The following CCDC73 variants were observed in gnomAD, a reference collection of about 807,000 sequenced individuals.
The protein encoded by CCDC73 is coiled-coil domain-containing protein 73.
In CCDC73, 95 loss-of-function variants were observed where a neutral mutation model predicts 116.5. The ratio of observed to expected loss-of-function variants is 0.82; its 90% CI spans 0.69 to 0.97. The LOEUF is 0.97. CCDC73 is among the 50% of genes least tolerant of loss of function. The pLI is 0.00. For missense variants in CCDC73, 1,066 were observed against 1,206.8 expected, an observed-to-expected ratio of 0.88 and a Z score of 1.73; for synonymous variants, 398 against 401.3, an observed-to-expected ratio of 0.99 and a Z score of 0.10.
chr11:32,776,984 CACATGTAT>C (rs1336759518), intron 1 of CCDC73, among the ~76,000 whole-genome samples: 41 of 72,838 alleles, frequency 5.6e-4, no homozygotes, highest in Non-Finnish European at 9.8e-4. Context: ...TATATATATA[CACATGTAT>C]ATATATATAT....
At chr11:32,742,276 C>T (rs539992228) in intron 2 of CCDC73, among the ~76,000 whole-genome samples, 2 of 151,312 alleles carry the variant, frequency 1.3e-5, no homozygotes, top group Admixed American at 1.3e-4. Context: ...CTCCCACCAA[C>T]GTGAAAGCAT....
chr11:32,679,386 T>C (rs1173650472), intron 7 of CCDC73, among the ~76,000 whole-genome samples: 1 of 152,012 alleles, frequency 6.6e-6, no homozygotes, highest in South Asian at 2.1e-4. Context: ...TTTTTGGAGA[T>C]GGAGTCTCTC....
intron 2 of CCDC73, among the ~76,000 whole-genome samples, chr11:32,745,658 C>T (rs148889105): frequency 0.012 from 1,814 of 151,806 alleles, 36 homozygotes; most frequent in African/African-American, 0.042. Context: ...TATGTAATGG[C>T]CTTCTTTGTC....
chr11:32,750,779 C>G (rs1850281431), intron 2 of CCDC73, among the ~76,000 whole-genome samples: 1 of 152,144 alleles, frequency 6.6e-6, no homozygotes, highest in African/African-American at 2.4e-5. Flanking sequence ...TTGGGAACCC[C>G]TAGAGCCCAC....
intron 12 of CCDC73, among the ~76,000 whole-genome samples, chr11:32,649,010 CTT>C (rs1221900442): frequency 6.6e-6 from 1 of 152,214 alleles, no homozygotes; most frequent in Non-Finnish European, 1.5e-5. Flanking sequence ...GACCACAACT[CTT>C]AACTTGCCCC....
chr11:32,750,178 C>T (rs1280965127), intron 2 of CCDC73, among the ~76,000 whole-genome samples: 1 of 152,176 alleles, frequency 6.6e-6, no homozygotes, highest in Non-Finnish European at 1.5e-5. Flanking sequence ...CCTCTACTCT[C>T]ACTTTCTACC....
At chr11:32,651,463 G>A (rs549864667) in intron 12 of CCDC73, among the ~76,000 whole-genome samples, 2 of 152,274 alleles carry the variant, frequency 1.3e-5, no homozygotes, top group South Asian at 4.1e-4. Flanking sequence ...TCCCCCAAAT[G>A]TGACCCAGTC....
chr11:32,830,073 G>A, the CCDC73 span: 14 of 989,110 alleles, frequency 1.4e-5, no homozygotes, highest in Admixed American at 3.0e-4. Flanking sequence ...GCGTCGCCGA[G>A]GTTTGAGGGC....
chr11:32,751,099 A>C (rs1850284069), intron 2 of CCDC73, among the ~76,000 whole-genome samples: 1 of 152,126 alleles, frequency 6.6e-6, no homozygotes, highest in African/African-American at 2.4e-5. Flanking sequence ...ATGTGTCTAG[A>C]AATGTTGTCT....
chr11:32,774,949 C>A lies in CCDC73; in HGVS notation c.-15-14691G>T, dbSNP rs1325963698. Among the ~76,000 whole-genome samples, 4 of 152,096 alleles carry A rather than the reference C, an allele frequency of 2.6e-5. No homozygotes were observed. In the East Asian group the frequency reaches 7.7e-4, roughly 29 times the overall value. On this transcript the variant is annotated intron_variant, in intron 1 of 17. Coordinates refer to ENST00000335185, the MANE Select transcript of CCDC73 (RefSeq NM_001008391.4). Reference sequence around the variant, plus strand: ...ATGACAAAGCAATTAATTCTGTCCACAGGAAGGTTTTAAGGTGAGTGTTTT... The same window carrying A: ...ATGACAAAGCAATTAATTCTGTCCAAAGGAAGGTTTTAAGGTGAGTGTTTT...
chr11:32,637,649 T>TA (rs138874335), intron 13 of CCDC73, among the ~76,000 whole-genome samples: 7,244 of 150,128 alleles, frequency 0.048, 195 homozygotes, highest in African/African-American at 0.064. Context: ...CTCTCTCTCT[T>TA]ACACACACAC....
Position 32,705,894 on chromosome 11 carries a change from T to C in CCDC73, c.208-2950A>G, listed in dbSNP as rs780657256. On this transcript the variant is annotated intron_variant, in intron 3 of 17. Transcript: ENST00000335185. ...CAATATTGAGCCACATGGTATGCCA[T>C]GATTACATTTTTATTCTCATACAAC... is the stretch of plus-strand genomic sequence containing the variant. Among the ~76,000 whole-genome samples, 36 of 152,258 alleles carry C rather than the reference T, an allele frequency of 2.4e-4. No individual in the cohort carries two copies. The Middle Eastern group carries it at 0.01, about 43-fold the overall frequency.
At chr11:32,619,725 G>C (rs1189347343) in intron 14 of CCDC73, among the ~76,000 whole-genome samples, 1 of 151,534 alleles carries the variant, frequency 6.6e-6, no homozygotes, top group Non-Finnish European at 1.5e-5. Context: ...AGGAGGAGAA[G>C]GAGGAGATGA....
At chr11:32,776,995 A>ATATATATATATATATACACATG (rs1850541706) in intron 1 of CCDC73, among the ~76,000 whole-genome samples, 1 of 45,358 alleles carries the variant, frequency 2.2e-5, no homozygotes, top group African/African-American at 8.3e-5. Flanking sequence ...ACATGTATAT[A>ATATATATATATATATACACATG]TATATATATA....
rs374750916 is a variant in CCDC73 at position 32,635,696 on chromosome 11, C to T, written c.1185G>A (p.Gln395=). The part of the protein sequence containing the change: ...QKTFEEDKKF[Q]NVPEVNNENS... ...ACCCCACAACATACTTAAATTTTACCTGAAACTTTTTGTCTTCCTCAAATG... is the reference window on the plus strand; with the variant it reads ...ACCCCACAACATACTTAAATTTTACTTGAAACTTTTTGTCTTCCTCAAATG... The change falls in exon 14 of 18, where the codon CAG becomes CAA. Residue 395 remains glutamine, a splice_region_variant and synonymous_variant. Transcript: ENST00000335185. 1.5e-6 allele frequency: 2 copies of T among 1,298,156 alleles called. No homozygotes were observed. Among genetic ancestry groups the T allele is most frequent in the African/African-American group, 1.5e-5 (1 of 65,544 alleles). 80.4% of individuals were successfully genotyped at this position (1,298,156 alleles called of 1,614,324 possible).
intron 12 of CCDC73, among the ~76,000 whole-genome samples, chr11:32,644,990 C>A (rs1855764576): frequency 1.3e-5 from 2 of 152,162 alleles, no homozygotes; most frequent in South Asian, 4.1e-4. Context: ...TTTGTTTACA[C>A]ATTGACCTCT....
intron 7 of CCDC73, chr11:32,681,954 A>G (rs1856149512): frequency 6.6e-6 from 1 of 151,908 alleles, no homozygotes; most frequent in South Asian, 2.1e-4. Context: ...CCAACATATA[A>G]AACTTTTTAA....
intron 14 of CCDC73, 22 bp downstream of exon 14, chr11:32,635,674 C>T: frequency 1.6e-6 from 2 of 1,278,816 alleles, no homozygotes; most frequent in South Asian, 2.4e-5. Context: ...AGTTTGTACC[C>T]CACAACATAC....
intron 2 of CCDC73, among the ~76,000 whole-genome samples, chr11:32,751,461 C>A (rs929607759): frequency 1.3e-5 from 2 of 152,120 alleles, no homozygotes; most frequent in Non-Finnish European, 2.9e-5. Context: ...AACCCCCCAG[C>A]GGCAAGGCTT....
Sources: allele counts gnomAD v4.1 joint callset (sites outside exome capture counted in the v4.1 genomes callset), GRCh38; gene constraint gnomAD v4.1.1; transcripts MANE v1.5; gene names NCBI Gene and HGNC (gene_info 2026-07-23, HGNC 2026-07-21).